DCP2: variants seen among roughly 807,000 people sequenced by gnomAD.
DCP2 encodes the protein decapping mRNA 2, also known as m7GpppN-mRNA hydrolase.
In DCP2, 30 loss-of-function variants were observed where a neutral mutation model predicts 56.1. That is an observed-to-expected ratio of 0.53 (90% CI 0.40 to 0.73). The LOEUF (loss-of-function observed/expected upper bound fraction) is 0.73, where lower values mean the gene tolerates loss of function less well. DCP2 is among the 30% of genes least tolerant of loss of function. The pLI, the probability that DCP2 is intolerant of heterozygous loss-of-function variation, is 0.00. For missense variants in DCP2, 533 were observed against 502.7 expected, an observed-to-expected ratio of 1.06 and a Z score of -0.58; for synonymous variants, 197 against 163.3, an observed-to-expected ratio of 1.21 and a Z score of -1.57.
chr5:113,003,408 C>T (rs958178780), intron 7 of DCP2, among the ~76,000 whole-genome samples: 7 of 152,040 alleles, frequency 4.6e-5, no homozygotes, highest in African/African-American at 9.7e-5. Flanking sequence ...CTGTAACTGA[C>T]TTGTGCAGGG....
Position 113,013,555 on chromosome 5 carries a change from C to A in DCP2, c.*71C>A. 4 of 1,542,358 alleles carry A rather than the reference C, an allele frequency of 2.6e-6. No homozygotes were observed. Among genetic ancestry groups the A allele is most frequent in the Non-Finnish European group, 3.5e-6 (4 of 1,134,464 alleles). ...AATTTGAGTGGGTGTCTCCTCAAGC[C>A]TTACCTTTCTCAGGTGTTTTAAAGA... On this transcript the variant is annotated 3_prime_UTR_variant, in exon 11 of 11. Coordinates refer to ENST00000389063, the MANE Select transcript of DCP2 (RefSeq NM_152624.6).
At chr5:113,003,917 G>T in intron 7 of DCP2, 25 bp from the exon 8 acceptor site, 2 of 1,612,986 alleles carry the variant, frequency 1.2e-6, no homozygotes, top group South Asian at 1.1e-5. Flanking sequence ...TTTCTGATTT[G>T]ATTATTTTTT....
Position 113,020,989 on chromosome 5 carries a change from GTTAT to G in DCP2, c.*7510_*7513del, listed in dbSNP as rs1373898307. ...CACCTTAGCCTGGTTTTCTGCTACT[GTTAT>G]TTATCATCGTAGGTTCTGAGTTGCT... is the stretch of plus-strand genomic sequence containing the variant. On this transcript the variant is annotated 3_prime_UTR_variant, in exon 11 of 11. Coordinates refer to ENST00000389063, the MANE Select transcript of DCP2 (RefSeq NM_152624.6). The G allele has an allele frequency of 6.6e-6, 1 of 152,256 alleles. No individual in the cohort carries two copies. Among genetic ancestry groups the G allele is most frequent in the East Asian group, 1.9e-4 (1 of 5,190 alleles). 9.4% of individuals were successfully genotyped at this position (152,256 alleles called of 1,614,324 possible). A position where few individuals can be genotyped will look rare whatever the true frequency, so the allele number is the denominator to read the frequency against.
Position 113,015,648 on chromosome 5 carries a change from C to T in DCP2, c.*2164C>T, listed in dbSNP as rs1285055790. The T allele has an allele frequency of 6.6e-6, 1 of 152,540 alleles. No individual in the cohort carries two copies. The highest frequency in any genetic ancestry group is 1.5e-5 in the Non-Finnish European group (1 of 68,010). 9.4% of individuals were successfully genotyped at this position (152,540 alleles called of 1,614,324 possible). ...TGATAACTTCAGGCTTTTAGCTCTC[C>T]TCAAAGTTTGAGGTTAAAAAAATGT... On this transcript the variant is annotated 3_prime_UTR_variant, in exon 11 of 11. Coordinates refer to ENST00000389063, the MANE Select transcript of DCP2 (RefSeq NM_152624.6).
intron 8 of DCP2, among the ~76,000 whole-genome samples, chr5:113,007,014 T>C (rs948074971): frequency 1.3e-5 from 2 of 151,958 alleles, no homozygotes; most frequent in Non-Finnish European, 2.9e-5. Flanking sequence ...GGCATATGCT[T>C]GTAATCCTAG....
rs1012037328 is a variant in DCP2, at chr5:113,000,989, C to T, written c.433-95C>T. ...TAGAAATAGTAAATACAAGTCATGTCCCCTTTTTCTGAGTTTTTGTCTTGG... is the reference window on the plus strand; with the variant it reads ...TAGAAATAGTAAATACAAGTCATGTTCCCTTTTTCTGAGTTTTTGTCTTGG... On this transcript the variant is annotated intron_variant, in intron 4 of 10. Transcript: ENST00000389063. The T allele has an allele frequency of 2.6e-6, 3 of 1,161,544 alleles. No homozygotes were observed. The African/African-American group carries it at 4.7e-5, about 18-fold the overall frequency. The allele number at this position is 1,161,544 out of a possible 1,614,324, so 72.0% of individuals were successfully genotyped here. A position where few individuals can be genotyped will look rare whatever the true frequency, so the allele number is the denominator to read the frequency against.
chr5:113,000,302 AAGTGATCCTCCCTCTGTGGC>A (rs1749097165), intron 4 of DCP2, among the ~76,000 whole-genome samples: 1 of 151,600 alleles, frequency 6.6e-6, no homozygotes, highest in African/African-American at 2.4e-5. Context: ...ACCTGGGCTC[AAGTGATCCTCCCTCTGTGGC>A]CTCCCAAAGT....
intron 4 of DCP2, among the ~76,000 whole-genome samples, 179 bp from the exon 5 acceptor site, chr5:113,000,905 A>G (rs1390392890): frequency 2.6e-5 from 4 of 152,250 alleles, no homozygotes; most frequent in African/African-American, 7.2e-5. Context: ...ATTAGAAACA[A>G]TAGGGCACAA....
chr5:112,986,893 C>G (rs1748315071), intron 2 of DCP2, among the ~76,000 whole-genome samples: 1 of 152,120 alleles, frequency 6.6e-6, no homozygotes, highest in South Asian at 2.1e-4. Flanking sequence ...GTCCCATCTG[C>G]TCGGGAGGCT....
At position 113,013,492 on chromosome 5, in the gene DCP2, A is replaced by T. The variant is rs1399429882; in HGVS notation, c.*8A>T. On this transcript the variant is annotated 3_prime_UTR_variant, in exon 11 of 11. Coordinates refer to ENST00000389063, the MANE Select transcript of DCP2 (RefSeq NM_152624.6). ...AAAATCTTGGACCTTTGATAGCAGC[A>T]CATGTATTGTAAATGTCCCAGGATC... is the stretch of plus-strand genomic sequence containing the variant. 3 of 1,613,588 alleles carry T rather than the reference A, an allele frequency of 1.9e-6. No individual in the cohort carries two copies. In the African/African-American group the frequency reaches 4.0e-5, roughly 22 times the overall value.
chr5:112,977,221 C>T (rs550814211), intron 1 of DCP2, among the ~76,000 whole-genome samples: 46 of 152,292 alleles, frequency 3.0e-4, no homozygotes, highest in African/African-American at 1.1e-3. Flanking sequence ...GGAATTTCCT[C>T]ATTTTTTAAG....
rs1749946613 is a variant in DCP2, at chr5:113,017,727, C to G, written c.*4243C>G. The G allele has an allele frequency of 6.6e-6, 1 of 152,078 alleles. No homozygotes were observed. The highest frequency in any genetic ancestry group is 2.1e-4 in the South Asian group (1 of 4,830). 9.4% of individuals were successfully genotyped at this position (152,078 alleles called of 1,614,324 possible). On this transcript the variant is annotated 3_prime_UTR_variant, in exon 11 of 11. Transcript: ENST00000389063. ...CTGGGCAAAGAGTGTAAGAAAGAAA[C>G]TTTAGAGCATTTATCAATACTTGAG...
intron 2 of DCP2, among the ~76,000 whole-genome samples, chr5:112,990,634 G>A (rs1476425729): frequency 3.3e-5 from 5 of 152,036 alleles, no homozygotes; most frequent in African/African-American, 1.2e-4. Context: ...TAGGGACAGG[G>A]TCTTACTATG....
chr5:112,978,847 T>G (rs568764284), intron 1 of DCP2, among the ~76,000 whole-genome samples: 52 of 152,184 alleles, frequency 3.4e-4, no homozygotes, highest in Non-Finnish European at 4.6e-4. Context: ...GATAAGTATT[T>G]AGAAAGGTGA....
chr5:112,980,349 A>G (rs1747944166), intron 1 of DCP2, among the ~76,000 whole-genome samples: 1 of 152,232 alleles, frequency 6.6e-6, no homozygotes, highest in African/African-American at 2.4e-5. Context: ...TTTTGGTGAT[A>G]GCGTAGGTTA....
At chr5:113,005,604 C>T (rs1279978982) in intron 8 of DCP2, among the ~76,000 whole-genome samples, 1 of 152,174 alleles carries the variant, frequency 6.6e-6, no homozygotes, top group African/African-American at 2.4e-5. Flanking sequence ...GGCAATTTCT[C>T]AAACAGTTAA....
chr5:113,000,788 C>T (rs1320286187), intron 4 of DCP2, among the ~76,000 whole-genome samples: 2 of 152,264 alleles, frequency 1.3e-5, no homozygotes, highest in East Asian at 1.9e-4. Flanking sequence ...CACTAGCCTT[C>T]AGAATTTTAT....
intron 9 of DCP2, among the ~76,000 whole-genome samples, chr5:113,008,580 A>G (rs577826925): frequency 7.4e-4 from 113 of 152,294 alleles, no homozygotes; most frequent in African/African-American, 2.5e-3. Context: ...ATATTTGTAT[A>G]TTAGGTTTTC....
chr5:112,998,592 G>A (rs1034116239), intron 4 of DCP2, among the ~76,000 whole-genome samples: 3 of 152,200 alleles, frequency 2.0e-5, no homozygotes, highest in African/African-American at 4.8e-5. Context: ...GTACATAGTT[G>A]AGTGAAAGCA....
Sources: gnomAD v4.1 joint callset for allele counts (sites outside exome capture counted in the v4.1 genomes callset) on GRCh38, gnomAD v4.1.1 for gene constraint, MANE v1.5 for transcripts, NCBI Gene and HGNC (gene_info 2026-07-23, HGNC 2026-07-21) for gene names.